The following VSTM5 variants were observed in gnomAD, a reference collection of about 807,000 sequenced individuals.
VSTM5 encodes V-set and transmembrane domain containing 5.
A neutral mutation model predicts 20.3 loss-of-function variants in VSTM5; 21 were observed. That is an observed-to-expected ratio of 1.03 (90% CI 0.73 to 1.49). The LOEUF (loss-of-function observed/expected upper bound fraction) is 1.49, where lower values mean the gene tolerates loss of function less well. Ranked by LOEUF, VSTM5 falls within the 40% of genes most tolerant of loss-of-function variation. The probability of loss-of-function intolerance (pLI) is 0.00; values close to 1 mark genes in which losing one functional copy is unlikely to be tolerated. For missense variants in VSTM5, 219 were observed against 250.0 expected, an observed-to-expected ratio of 0.88 and a Z score of 0.84; for synonymous variants, 100 against 102.5, an observed-to-expected ratio of 0.98 and a Z score of 0.14.
rs369225865 is a variant in VSTM5 at position 93,834,126 on chromosome 11, T to C, written c.92-12803A>G. Among the ~76,000 whole-genome samples, 14 of 152,254 alleles carry C rather than the reference T, an allele frequency of 9.2e-5. No individual in the cohort carries two copies. The East Asian group carries it at 1.9e-3, about 21-fold the overall frequency. On this transcript the variant is annotated intron_variant, in intron 1 of 3. Transcript: ENST00000409977. ...GGGACTAACAATGTTCTACTCTTTC[T>C]CTGCCTGTACATGAGTAGCCAACCC...
intron 1 of VSTM5, 30 bp from the exon 2 acceptor site, chr11:93,821,353 C>T: frequency 2.0e-6 from 3 of 1,525,486 alleles, no homozygotes; most frequent in Middle Eastern, 1.7e-4. Context: ...ATGTTGGGCA[C>T]ATATATATGG....
chr11:93,834,078 C>T (rs77964371), intron 1 of VSTM5, among the ~76,000 whole-genome samples: 1 of 152,062 alleles, frequency 6.6e-6, no homozygotes, highest in Admixed American at 6.6e-5. Context: ...TTCATCATAT[C>T]TACCTGGTAA....
chr11:93,840,281 G>A (rs1444217204), intron 1 of VSTM5, among the ~76,000 whole-genome samples: 2 of 152,190 alleles, frequency 1.3e-5, no homozygotes, highest in African/African-American at 4.8e-5. Context: ...TAGATCATCT[G>A]GGGAAGGTTT....
At chr11:93,849,454 G>T (rs1944440540) in intron 1 of VSTM5, among the ~76,000 whole-genome samples, 10 of 152,216 alleles carry the variant, frequency 6.6e-5, no homozygotes, top group Admixed American at 6.5e-4. Flanking sequence ...CCTGCGATTG[G>T]CTTATAACAT....
chr11:93,831,781 C>T (rs1166411829), intron 1 of VSTM5, among the ~76,000 whole-genome samples: 1 of 152,210 alleles, frequency 6.6e-6, no homozygotes, highest in Non-Finnish European at 1.5e-5. Context: ...TCAGTTAACA[C>T]CTGTTAGATA....
chr11:93,823,258 A>G (rs1944204890), intron 1 of VSTM5, among the ~76,000 whole-genome samples: 1 of 149,572 alleles, frequency 6.7e-6, no homozygotes, highest in African/African-American at 2.5e-5. Context: ...CTGGTCTTGG[A>G]CTCCTGGCCT....
intron 1 of VSTM5, among the ~76,000 whole-genome samples, chr11:93,846,252 G>A (rs1458052135): frequency 2.9e-5 from 4 of 138,876 alleles, no homozygotes; most frequent in Non-Finnish European, 6.4e-5. Context: ...AAGGGATATA[G>A]CTGTCCTTAG....
rs146561591 is a variant in VSTM5 at position 93,848,817 on chromosome 11, G to A, written c.91+1595C>T. Among the ~76,000 whole-genome samples, 267 of 152,312 alleles carry A rather than the reference G, an allele frequency of 1.8e-3. 1 individual carries two copies. Among genetic ancestry groups the A allele is most frequent in the African/African-American group, 6.0e-3 (251 of 41,556 alleles). ...GAGTGAGTGAATGAATGAATTATAC[G>A]CTATTGCAAATGGCTGGTCCCTGAG... On this transcript the variant is annotated intron_variant, in intron 1 of 3. Transcript: ENST00000409977.
chr11:93,843,620 G>C lies in VSTM5; in HGVS notation c.91+6792C>G, dbSNP rs562208383. On this transcript the variant is annotated intron_variant, in intron 1 of 3. Coordinates refer to ENST00000409977, the MANE Select transcript of VSTM5 (RefSeq NM_001144871.2). ...GCTGTTACAGTGCCTGTCATGAAGTGCTTGGTAAGCAGTCACAGTTATTAT... is the reference window on the plus strand; with the variant it reads ...GCTGTTACAGTGCCTGTCATGAAGTCCTTGGTAAGCAGTCACAGTTATTAT... Among the ~76,000 whole-genome samples, 8 of 152,252 alleles carry C rather than the reference G, an allele frequency of 5.3e-5. No individual in the cohort carries two copies. In the South Asian group the frequency reaches 1.7e-3, roughly 32 times the overall value.
intron 1 of VSTM5, among the ~76,000 whole-genome samples, chr11:93,838,388 C>T (rs1417775216): frequency 6.6e-6 from 1 of 152,062 alleles, no homozygotes; most frequent in East Asian, 1.9e-4. Context: ...AGGAGAATCG[C>T]TTGAACCCGG....
At chr11:93,821,378 G>T in intron 1 of VSTM5, 55 bp from the exon 2 acceptor site, 1 of 1,411,214 alleles carries the variant, frequency 7.1e-7, no homozygotes, top group South Asian at 1.4e-5. Flanking sequence ...ATACTGAAGT[G>T]AACTTATATA....
intron 1 of VSTM5, among the ~76,000 whole-genome samples, chr11:93,827,103 G>T (rs944441901): frequency 6.6e-6 from 1 of 152,124 alleles, no homozygotes; most frequent in Non-Finnish European, 1.5e-5. Context: ...TCTATAACAG[G>T]CCGGACACGG....
At chr11:93,841,532 C>T (rs565245014) in intron 1 of VSTM5, among the ~76,000 whole-genome samples, 1 of 152,320 alleles carries the variant, frequency 6.6e-6, no homozygotes, top group South Asian at 2.1e-4. Context: ...CCATTAGAAC[C>T]ACCTGGAGGT....
At chr11:93,823,933 A>G (rs1268543337) in intron 1 of VSTM5, among the ~76,000 whole-genome samples, 6 of 149,904 alleles carry the variant, frequency 4.0e-5, no homozygotes, top group African/African-American at 1.5e-4. Context: ...TTTGAGACAG[A>G]GTCTTACTCT....
intron 1 of VSTM5, chr11:93,821,681 CCTT>C (rs1944188035): frequency 8.4e-6 from 2 of 239,180 alleles, no homozygotes; most frequent in Non-Finnish European, 1.6e-5. Context: ...CTGGATCACT[CCTT>C]CTCACTCAAG....
At chr11:93,846,756 ATTTT>A (rs1211973472) in intron 1 of VSTM5, among the ~76,000 whole-genome samples, 1 of 107,216 alleles carries the variant, frequency 9.3e-6, no homozygotes, top group Non-Finnish European at 1.7e-5. Context: ...TTTTTAAAAA[ATTTT>A]TTTTAATTTT....
At chr11:93,841,818 C>A (rs16919459) in intron 1 of VSTM5, among the ~76,000 whole-genome samples, 5,454 of 152,222 alleles carry the variant, frequency 0.036, 307 homozygotes, top group African/African-American at 0.12. Flanking sequence ...GACATGCAGT[C>A]ATTAACAGAA....
chr11:93,841,680 G>C (rs1944371329), intron 1 of VSTM5, among the ~76,000 whole-genome samples: 1 of 152,194 alleles, frequency 6.6e-6, no homozygotes, highest in African/African-American at 2.4e-5. Context: ...AGGACACCAA[G>C]GATGCCCTCA....
At position 93,832,357 on chromosome 11, in the gene VSTM5, C is replaced by T. The variant is rs548139617; in HGVS notation, c.92-11034G>A. On this transcript the variant is annotated intron_variant, in intron 1 of 3. Coordinates refer to ENST00000409977, the MANE Select transcript of VSTM5 (RefSeq NM_001144871.2). ...AAGTAATTATATGTGTATACACACA[C>T]AGTCACACATACACAGATAGACATA... 5.3e-5 allele frequency among the ~76,000 whole-genome samples: 8 copies of T among 152,282 alleles called. No homozygotes were observed. The East Asian group carries it at 9.6e-4, about 18-fold the overall frequency.
Sources: gnomAD v4.1 joint callset for allele counts (sites outside exome capture counted in the v4.1 genomes callset) on GRCh38, gnomAD v4.1.1 for gene constraint, MANE v1.5 for transcripts, NCBI Gene and HGNC (gene_info 2026-07-23, HGNC 2026-07-21) for gene names.